CDH18: variants seen among roughly 807,000 people sequenced by gnomAD.
CDH18 encodes cadherin 18, also known as cadherin-18.
CDH18 carries 31 observed loss-of-function variants against 67.9 expected under a neutral mutation model. That is an observed-to-expected ratio of 0.46 (90% CI 0.34 to 0.62). CDH18 has a LOEUF of 0.62. CDH18 is among the 20% of genes least tolerant of loss of function. CDH18 has a pLI of 0.01. For synonymous variants in CDH18, 362 were observed against 347.2 expected (o/e 1.04, Z -0.48); for missense variants, 890 against 975.5 (o/e 0.91, Z 1.17).
At chr5:19,812,360 T>A (rs2149902358) in intron 3 of CDH18, among the ~76,000 whole-genome samples, 1 of 152,218 alleles carries the variant, frequency 6.6e-6, no homozygotes, top group African/African-American at 2.4e-5. Flanking sequence ...TTTGGAGGTT[T>A]AAAAATAACT....
chr5:20,064,203 A>C (rs1169958603), intron 2 of CDH18, among the ~76,000 whole-genome samples: 2 of 152,204 alleles, frequency 1.3e-5, no homozygotes, highest in African/African-American at 4.8e-5. Flanking sequence ...ATCAAATGGC[A>C]GTGACAAATA....
intron 1 of CDH18, among the ~76,000 whole-genome samples, chr5:20,299,063 T>C (rs187179622): frequency 6.6e-6 from 1 of 152,162 alleles, no homozygotes; most frequent in East Asian, 1.9e-4. Flanking sequence ...TAGAACAGAT[T>C]TTAAGTTTTT....
chr5:20,400,173 A>G (rs1278840619), intron 1 of CDH18, among the ~76,000 whole-genome samples: 2 of 152,172 alleles, frequency 1.3e-5, no homozygotes, highest in Non-Finnish European at 2.9e-5. Context: ...ACTCTGCTTT[A>G]TCAACTACAT....
intron 1 of CDH18, chr5:20,305,222 T>C: frequency 7.2e-7 from 1 of 1,380,520 alleles, no homozygotes; most frequent in South Asian, 1.2e-5. Context: ...CCAGCACCAC[T>C]ACCAAATCCA....
chr5:19,791,356 A>AACACACACACACACACACACAC (rs58429751), intron 3 of CDH18, among the ~76,000 whole-genome samples: 16 of 141,640 alleles, frequency 1.1e-4, no homozygotes, highest in African/African-American at 2.4e-4. Context: ...TCGACTTTTA[A>AACACACACACACACACACACAC]ACACACACAC....
intron 4 of CDH18, among the ~76,000 whole-genome samples, chr5:19,733,660 G>A (rs1038992852): frequency 2.0e-5 from 3 of 152,174 alleles, no homozygotes; most frequent in African/African-American, 7.2e-5. Flanking sequence ...TATGACAGAA[G>A]CAGCAGCAGG....
chr5:19,928,485 G>A (rs766168152), intron 2 of CDH18, among the ~76,000 whole-genome samples: 45 of 152,182 alleles, frequency 3.0e-4, no homozygotes, highest in Non-Finnish European at 4.9e-4. Flanking sequence ...ATTTCACTTG[G>A]AAGAAATAAA....
intron 5 of CDH18, among the ~76,000 whole-genome samples, chr5:19,635,624 A>G (rs1270139255): frequency 6.6e-6 from 1 of 151,782 alleles, no homozygotes; most frequent in African/African-American, 2.4e-5. Context: ...ATTTTGACCA[A>G]AACAAACAAA....
intron 2 of CDH18, among the ~76,000 whole-genome samples, chr5:20,190,976 C>T (rs909562745): frequency 3.3e-5 from 5 of 152,124 alleles, no homozygotes; most frequent in Non-Finnish European, 7.4e-5. Context: ...TCTACCTTTG[C>T]ACTTATTACT....
intron 2 of CDH18, among the ~76,000 whole-genome samples, chr5:20,198,150 A>G (rs1028396513): frequency 1.3e-5 from 2 of 152,184 alleles, no homozygotes; most frequent in Non-Finnish European, 2.9e-5. Context: ...AATACAGTAA[A>G]TTGTTACTGA....
chr5:20,051,986 T>A (rs566614164), intron 2 of CDH18, among the ~76,000 whole-genome samples: 1 of 152,056 alleles, frequency 6.6e-6, no homozygotes. Flanking sequence ...CTCTCACTTA[T>A]GGATTTTCCA....
chr5:19,939,872 T>G (rs1289419409), intron 2 of CDH18, among the ~76,000 whole-genome samples: 1 of 151,928 alleles, frequency 6.6e-6, no homozygotes, highest in Non-Finnish European at 1.5e-5. Flanking sequence ...TTACTTAATT[T>G]AAATGCTTTA....
intron 2 of CDH18, among the ~76,000 whole-genome samples, chr5:20,082,057 C>T (rs1293323683): frequency 1.3e-5 from 2 of 152,030 alleles, no homozygotes; most frequent in African/African-American, 4.8e-5. Flanking sequence ...ATCAGTAATT[C>T]ATGTTACACT....
chr5:19,722,520 T>C (rs1163358464), intron 4 of CDH18, among the ~76,000 whole-genome samples: 2 of 150,198 alleles, frequency 1.3e-5, no homozygotes, highest in Non-Finnish European at 2.9e-5. Context: ...CGTGTCTTTG[T>C]GCTTACTTTT....
intron 1 of CDH18, among the ~76,000 whole-genome samples, chr5:20,456,975 TG>T (rs1344229777): frequency 6.6e-6 from 1 of 152,214 alleles, no homozygotes; most frequent in Non-Finnish European, 1.5e-5. Context: ...CACACAATTA[TG>T]TGTACATGTT....
chr5:20,192,048 G>T (rs181323099), intron 2 of CDH18, among the ~76,000 whole-genome samples: 2 of 151,640 alleles, frequency 1.3e-5, no homozygotes, highest in Non-Finnish European at 2.9e-5. Context: ...AATAATTGCC[G>T]TTCTGATTGG....
At chr5:19,479,481 T>A (rs1739033287) in intron 12 of CDH18, among the ~76,000 whole-genome samples, 1 of 152,228 alleles carries the variant, frequency 6.6e-6, no homozygotes, top group South Asian at 2.1e-4. Context: ...TGAATAACAA[T>A]AAAAACGAAT....
At chr5:20,050,810 T>C (rs1741353427) in intron 2 of CDH18, among the ~76,000 whole-genome samples, 1 of 151,860 alleles carries the variant, frequency 6.6e-6, no homozygotes, top group Admixed American at 6.6e-5. Context: ...GAAAGTTCTA[T>C]TTTTAACCTA....
chr5:19,584,793 C>CAAAAAAAAAAAA (rs61297842), intron 7 of CDH18, among the ~76,000 whole-genome samples: 1,999 of 73,108 alleles, frequency 0.027, no homozygotes, highest in Middle Eastern at 0.036. Context: ...ACTAAAAATA[C>CAAAAAAAAAAAA]AAAAAAAAAA....
Sources: gnomAD v4.1 joint callset for allele counts (sites outside exome capture counted in the v4.1 genomes callset) on GRCh38, gnomAD v4.1.1 for gene constraint, MANE v1.5 for transcripts, NCBI Gene and HGNC (gene_info 2026-07-23, HGNC 2026-07-21) for gene names.